Variants in SMARCC1 observed in about 807,000 individuals in gnomAD.
SMARCC1 encodes the protein SWI/SNF complex subunit SMARCC1.
Under a neutral mutation model 147.4 loss-of-function variants are expected in SMARCC1, and 43 were observed. That is an observed-to-expected ratio of 0.29 (90% CI 0.23 to 0.38). The LOEUF (loss-of-function observed/expected upper bound fraction) is 0.38, where lower values mean the gene tolerates loss of function less well. SMARCC1 is among the 10% of genes least tolerant of loss of function. The probability of loss-of-function intolerance (pLI) is 1.00; values close to 1 mark genes in which losing one functional copy is unlikely to be tolerated. For synonymous variants in SMARCC1, 495 were observed against 484.4 expected (o/e 1.02, Z -0.29); for missense variants, 1,119 against 1,381.1 (o/e 0.81, Z 3.01).
chr3:47,696,077 A>AGGGGG (rs56779302), intron 11 of SMARCC1, among the ~76,000 whole-genome samples: 1 of 25,162 alleles, frequency 4.0e-5, no homozygotes, highest in Non-Finnish European at 1.6e-4. Context: ...AAAAAAAAAA[A>AGGGGG]GGGGGGGGGG....
intron 5 of SMARCC1, among the ~76,000 whole-genome samples, chr3:47,729,977 G>A (rs1043688953): frequency 1.3e-5 from 2 of 152,030 alleles, no homozygotes; most frequent in Admixed American, 6.6e-5. Flanking sequence ...TCAGGAGTTC[G>A]AGACCAGCGT....
At chr3:47,647,728 G>A (rs977956962) in intron 21 of SMARCC1, among the ~76,000 whole-genome samples, 2 of 152,178 alleles carry the variant, frequency 1.3e-5, no homozygotes, top group Non-Finnish European at 2.9e-5. Context: ...GACTAATCAC[G>A]TCATTCCCTA....
intron 11 of SMARCC1, 33 bp from the exon 12 acceptor site, chr3:47,693,333 T>G: frequency 1.6e-6 from 2 of 1,264,540 alleles, no homozygotes. Flanking sequence ...TATGTTTATG[T>G]GGGAAAAGTT....
chr3:47,656,840 G>A (rs913767868), intron 21 of SMARCC1, among the ~76,000 whole-genome samples: 14 of 152,206 alleles, frequency 9.2e-5, no homozygotes, highest in African/African-American at 2.6e-4. Flanking sequence ...CTTGAGCCCA[G>A]GAGGTGGAGG....
At chr3:47,599,831 T>A (rs2032356370) in intron 26 of SMARCC1, among the ~76,000 whole-genome samples, 1 of 152,190 alleles carries the variant, frequency 6.6e-6, no homozygotes, top group Non-Finnish European at 1.5e-5. Flanking sequence ...ATTCAAGAAA[T>A]AATCTGGCAA....
Position 47,746,186 on chromosome 3 carries a change from T to C in SMARCC1, c.316-193A>G, listed in dbSNP as rs548840447. 3.8e-4 allele frequency: 172 copies of C among 455,436 alleles called. 2 individuals carry two copies. The South Asian group carries it at 5.9e-3, about 16-fold the overall frequency. 28.2% of individuals were successfully genotyped at this position (455,436 alleles called of 1,614,324 possible). ...AGATTAGGCTGGGCATGGTGGCTCA[T>C]GCCTGTAATCCCAACACTCTGGGAG... On this transcript the variant is annotated intron_variant, in intron 2 of 27. Coordinates refer to ENST00000254480, the MANE Select transcript of SMARCC1 (RefSeq NM_003074.4).
chr3:47,700,790 G>A (rs1325029702), intron 11 of SMARCC1, among the ~76,000 whole-genome samples: 1 of 152,136 alleles, frequency 6.6e-6, no homozygotes, highest in Non-Finnish European at 1.5e-5. Context: ...CTCCCCAAGT[G>A]CTGGGGTTAC....
chr3:47,649,883 T>C lies in SMARCC1; in HGVS notation c.2321-11103A>G, dbSNP rs1473664470. Reference sequence around the variant, plus strand: ...TGTCCCAAAAAGGGACTAAAATTCATTGTATTAAATAACTGATGTAGGAAA... The same window carrying C: ...TGTCCCAAAAAGGGACTAAAATTCACTGTATTAAATAACTGATGTAGGAAA... On this transcript the variant is annotated intron_variant, in intron 21 of 27. Coordinates refer to ENST00000254480, the MANE Select transcript of SMARCC1 (RefSeq NM_003074.4). Among the ~76,000 whole-genome samples, 5 of 152,326 alleles carry C rather than the reference T, an allele frequency of 3.3e-5. No homozygotes were observed. In the South Asian group the frequency reaches 6.2e-4, roughly 19 times the overall value.
At chr3:47,726,944 T>A (rs1015926628) in intron 6 of SMARCC1, among the ~76,000 whole-genome samples, 2 of 152,146 alleles carry the variant, frequency 1.3e-5, no homozygotes, top group African/African-American at 4.8e-5. Context: ...GAGTGGTGAC[T>A]CACGCCTCTA....
chr3:47,764,862 G>A (rs1306643872), intron 2 of SMARCC1, among the ~76,000 whole-genome samples: 1 of 152,174 alleles, frequency 6.6e-6, no homozygotes, highest in East Asian at 1.9e-4. Flanking sequence ...CAAGTTACAA[G>A]AATATCTATG....
intron 1 of SMARCC1, among the ~76,000 whole-genome samples, chr3:47,777,707 T>C (rs1576439855): frequency 6.6e-6 from 1 of 151,646 alleles, no homozygotes; most frequent in African/African-American, 2.4e-5. Context: ...TTTGCATTTT[T>C]AGTAGAGCAG....
chr3:47,636,006 A>C lies in SMARCC1; in HGVS notation c.2491+16T>G. 8.5e-7 allele frequency: 1 copy of C among 1,173,892 alleles called. No homozygotes were observed. Among genetic ancestry groups the C allele is most frequent in the Non-Finnish European group, 1.3e-6 (1 of 790,410 alleles). The allele number at this position is 1,173,892 out of a possible 1,614,324, so 72.7% of individuals were successfully genotyped here. On this transcript the variant is annotated intron_variant, in intron 23 of 27. Transcript: ENST00000254480. Reference sequence around the variant, plus strand: ...CAGTTTTACATAATAATATCTAAGGAGTTTCCTCAAATTACCTGATTTGGT... The same window carrying C: ...CAGTTTTACATAATAATATCTAAGGCGTTTCCTCAAATTACCTGATTTGGT...
At chr3:47,633,630 G>A (rs2032921481) in intron 24 of SMARCC1, among the ~76,000 whole-genome samples, 1 of 148,616 alleles carries the variant, frequency 6.7e-6, no homozygotes, top group Non-Finnish European at 1.5e-5. Context: ...TCTAATCCCA[G>A]CTACTTGGGA....
intron 13 of SMARCC1, among the ~76,000 whole-genome samples, chr3:47,687,686 T>C (rs549659637): frequency 5.9e-5 from 9 of 152,258 alleles, no homozygotes; most frequent in African/African-American, 1.9e-4. Flanking sequence ...CTGGCTGGTT[T>C]TGAACTCCTG....
intron 25 of SMARCC1, among the ~76,000 whole-genome samples, chr3:47,611,044 C>T (rs1285736332): frequency 6.6e-6 from 1 of 152,076 alleles, no homozygotes. Flanking sequence ...CTTTCTGGCA[C>T]CCAAATGAGA....
At position 47,587,868 on chromosome 3, in the gene SMARCC1, A is replaced by T. The variant is rs2032098221; in HGVS notation, c.*341T>A. The T allele has an allele frequency of 3.9e-6, 1 of 257,876 alleles. No homozygotes were observed. The highest frequency in any genetic ancestry group is 7.5e-6 in the Non-Finnish European group (1 of 134,158). 16.0% of individuals were successfully genotyped at this position (257,876 alleles called of 1,614,324 possible). On this transcript the variant is annotated 3_prime_UTR_variant, in exon 28 of 28. Transcript: ENST00000254480. Reference sequence around the variant, plus strand: ...AGCATAAGACAAAGCAAAAAACTGCAAGAGAGCAAAAATGGTAAAGACATA... The same window carrying T: ...AGCATAAGACAAAGCAAAAAACTGCTAGAGAGCAAAAATGGTAAAGACATA...
chr3:47,727,302 T>C (rs1240343285), intron 6 of SMARCC1, among the ~76,000 whole-genome samples: 4 of 151,832 alleles, frequency 2.6e-5, no homozygotes, highest in Non-Finnish European at 4.4e-5. Context: ...AGGTCAGGAG[T>C]TCGAGACCAA....
intron 11 of SMARCC1, 79 bp from the exon 12 acceptor site, chr3:47,693,379 G>A (rs1251713157): frequency 8.7e-6 from 7 of 805,878 alleles, no homozygotes; most frequent in Non-Finnish European, 1.5e-5. Context: ...AATAGGACAT[G>A]ATTAAACGAC....
At chr3:47,771,766 A>G (rs1264696050) in intron 2 of SMARCC1, among the ~76,000 whole-genome samples, 1 of 151,820 alleles carries the variant, frequency 6.6e-6, no homozygotes, top group Admixed American at 6.6e-5. Flanking sequence ...GATATAATAT[A>G]ACATAACATA....
Sources: gnomAD v4.1 joint callset for allele counts (sites outside exome capture counted in the v4.1 genomes callset) on GRCh38, gnomAD v4.1.1 for gene constraint, MANE v1.5 for transcripts, NCBI Gene and HGNC (gene_info 2026-07-23, HGNC 2026-07-21) for gene names.